Variants in WRN observed in about 807,000 individuals in gnomAD.
WRN encodes the protein WRN RecQ like helicase, also known as bifunctional 3'-5' exonuclease/ATP-dependent helicase WRN.
A neutral mutation model predicts 180.7 loss-of-function variants in WRN; 149 were observed. That is an observed-to-expected ratio of 0.82 (90% CI 0.72 to 0.94). The LOEUF (loss-of-function observed/expected upper bound fraction) is 0.94. Among genes scored for constraint, WRN ranks in the 40% least tolerant of loss-of-function variants. WRN has a pLI of 0.00. For synonymous variants in WRN, 548 were observed against 568.9 expected (o/e 0.96, Z 0.52); for missense variants, 1,661 against 1,700.1 (o/e 0.98, Z 0.40).
At chr8:31,077,688 C>T (rs1813149787) in intron 8 of WRN, among the ~76,000 whole-genome samples, 1 of 152,220 alleles carries the variant, frequency 6.6e-6, no homozygotes, top group Admixed American at 6.5e-5. Context: ...ATTAAAATAT[C>T]TACTGGATGT....
chr8:31,052,147 A>G (rs745844367), intron 1 of WRN, among the ~76,000 whole-genome samples: 28 of 152,194 alleles, frequency 1.8e-4, no homozygotes, highest in Non-Finnish European at 3.4e-4. Context: ...CCCTTGTTCT[A>G]TAGTATGAAA....
chr8:31,172,607 A>G (rs772692804), intron 34 of WRN, among the ~76,000 whole-genome samples: 2 of 152,236 alleles, frequency 1.3e-5, no homozygotes, highest in Non-Finnish European at 2.9e-5. Context: ...CATGCCTAAT[A>G]TAACTCTTTG....
chr8:31,132,278 C>T, intron 23 of WRN, 87 bp from the exon 24 acceptor site: 1 of 1,495,750 alleles, frequency 6.7e-7, no homozygotes, highest in South Asian at 1.3e-5. Flanking sequence ...ATATTTTTTA[C>T]TTGGCTAATT....
In WRN at chr8:31,034,267, T is replaced by TA. The variant is rs1585376225; in HGVS notation, c.-77+295dup. ...TTGCTCTTTCTAGTACGGCCTTTAT[T>TA]ATGGCAGAAATTGAGCCACTACAGG... On this transcript the variant is annotated intron_variant, in intron 1 of 34. Coordinates refer to ENST00000298139, the MANE Select transcript of WRN (RefSeq NM_000553.6). 5.9e-5 allele frequency among the ~76,000 whole-genome samples: 9 copies of TA among 152,308 alleles called. No homozygotes were observed. In the East Asian group the frequency reaches 1.7e-3, roughly 29 times the overall value.
chr8:31,035,886 AG>A (rs1465690049), intron 1 of WRN, among the ~76,000 whole-genome samples: 1 of 152,210 alleles, frequency 6.6e-6, no homozygotes, highest in African/African-American at 2.4e-5. Context: ...CATAACCATT[AG>A]TACTCAATCC....
At chr8:31,105,554 C>T (rs570273230) in intron 18 of WRN, among the ~76,000 whole-genome samples, 8 of 152,224 alleles carry the variant, frequency 5.3e-5, no homozygotes, top group East Asian at 3.9e-4. Flanking sequence ...CTCTGCCTCC[C>T]GGGTTCAAGT....
chr8:31,113,535 T>TA (rs1214629842), intron 19 of WRN, among the ~76,000 whole-genome samples: 1 of 152,184 alleles, frequency 6.6e-6, no homozygotes, highest in Non-Finnish European at 1.5e-5. Context: ...CTGTTTGTCC[T>TA]AGGTTAGAGT....
rs113836987 is a variant in WRN, at chr8:31,116,120, C to T, written c.2274-234C>T. On this transcript the variant is annotated intron_variant, in intron 19 of 34. Coordinates refer to ENST00000298139, the MANE Select transcript of WRN (RefSeq NM_000553.6). ...TTTCTGGTTTTAGCTTTAATTTGAA[C>T]TGAAACAGTCAAAACTGAGTTTTGG... is the stretch of plus-strand genomic sequence containing the variant. Among the ~76,000 whole-genome samples, 287 of 152,246 alleles carry T rather than the reference C, an allele frequency of 1.9e-3. 2 individuals carry two copies. The highest frequency in any genetic ancestry group is 6.5e-3 in the African/African-American group (272 of 41,540).
At chr8:31,144,980 G>A (rs551289620) in intron 28 of WRN, among the ~76,000 whole-genome samples, 1 of 152,346 alleles carries the variant, frequency 6.6e-6, no homozygotes, top group South Asian at 2.1e-4. Context: ...TCTGAAAGCT[G>A]AGAGAGGTGA....
chr8:31,165,541 T>G (rs1268870177), intron 33 of WRN, among the ~76,000 whole-genome samples: 1 of 152,080 alleles, frequency 6.6e-6, no homozygotes, highest in African/African-American at 2.4e-5. Context: ...CAACATGTAA[T>G]CAATATGAAA....
At chr8:31,106,182 C>T (rs138957136) in intron 18 of WRN, among the ~76,000 whole-genome samples, 1 of 152,252 alleles carries the variant, frequency 6.6e-6, no homozygotes, top group East Asian at 1.9e-4. Context: ...GTGAGGTCTT[C>T]AGAATATATG....
At chr8:31,110,830 A>G (rs1057247897) in intron 18 of WRN, among the ~76,000 whole-genome samples, 1 of 152,246 alleles carries the variant, frequency 6.6e-6, no homozygotes, top group Non-Finnish European at 1.5e-5. Context: ...TGATTATGAA[A>G]TAATACCATA....
chr8:31,130,502 T>C (rs909305631), intron 23 of WRN, among the ~76,000 whole-genome samples: 1 of 152,162 alleles, frequency 6.6e-6, no homozygotes, highest in African/African-American at 2.4e-5. Context: ...GTTTCAGATC[T>C]ACCCAAAGGG....
intron 19 of WRN, among the ~76,000 whole-genome samples, chr8:31,113,198 C>A: frequency 7.6e-6 from 1 of 131,570 alleles, no homozygotes; most frequent in African/African-American, 2.6e-5. Context: ...AGAGCAAGGC[C>A]CCGTTTCAAA....
At chr8:31,084,390 T>C (rs1307277859) in intron 10 of WRN, among the ~76,000 whole-genome samples, 5 of 152,218 alleles carry the variant, frequency 3.3e-5, no homozygotes, top group African/African-American at 1.2e-4. Context: ...CTTTATTCGT[T>C]AAATAAGAAG....
At chr8:31,035,345 G>T (rs990295003) in intron 1 of WRN, among the ~76,000 whole-genome samples, 2 of 152,090 alleles carry the variant, frequency 1.3e-5, no homozygotes, top group Admixed American at 1.3e-4. Context: ...GGACGTCCTC[G>T]CTGAGAAGGG....
chr8:31,134,661 ACTTCT>A (rs1257773602), intron 24 of WRN, among the ~76,000 whole-genome samples: 1 of 152,214 alleles, frequency 6.6e-6, no homozygotes, highest in East Asian at 1.9e-4. Flanking sequence ...ATTAAGTGAA[ACTTCT>A]CTTCTGATCA....
rs187173305 is a variant in WRN at position 31,110,998 on chromosome 8, C to G, written c.2089-617C>G. Among the ~76,000 whole-genome samples the G allele has an allele frequency of 3.3e-5, 5 of 152,216 alleles. No individual in the cohort carries two copies. The East Asian group carries it at 5.8e-4, about 18-fold the overall frequency. On this transcript the variant is annotated intron_variant, in intron 18 of 34. Coordinates refer to ENST00000298139, the MANE Select transcript of WRN (RefSeq NM_000553.6). ...TCTGTCTGCCAATCCAGTCAAGAAG[C>G]CTTTGCTAGCAATCAATTAATAATA...
intron 21 of WRN, 56 bp from the exon 22 acceptor site, chr8:31,124,466 A>T: frequency 7.5e-7 from 1 of 1,330,692 alleles, no homozygotes; most frequent in Non-Finnish European, 1.1e-6. Context: ...TAAAAAAAAA[A>T]GTAAGAAAGT....
Sources: gnomAD v4.1 joint callset for allele counts (sites outside exome capture counted in the v4.1 genomes callset) on GRCh38, gnomAD v4.1.1 for gene constraint, MANE v1.5 for transcripts, NCBI Gene and HGNC (gene_info 2026-07-23, HGNC 2026-07-21) for gene names.